STPG1: variants seen among roughly 807,000 people sequenced by gnomAD.
STPG1 encodes O(6)-methylguanine-induced apoptosis 2.
In STPG1, 33 loss-of-function variants were observed where a neutral mutation model predicts 40.1. The ratio of observed to expected loss-of-function variants is 0.82; its 90% CI spans 0.62 to 1.10. The LOEUF is 1.10. Among genes scored for constraint, STPG1 ranks in the 50% least tolerant of loss-of-function variants. STPG1 has a pLI of 0.00. For missense variants in STPG1, 396 were observed against 415.1 expected (o/e 0.95, Z 0.40); for synonymous variants, 150 against 155.0 (o/e 0.97, Z 0.24).
intron 1 of STPG1, among the ~76,000 whole-genome samples, chr1:24,409,181 G>A (rs973783445): frequency 6.6e-6 from 1 of 152,140 alleles, no homozygotes; most frequent in African/African-American, 2.4e-5. Flanking sequence ...GAAACATGGT[G>A]AAAGTCCGTC....
intron 4 of STPG1, among the ~76,000 whole-genome samples, chr1:24,381,015 G>C (rs1375417335): frequency 2.0e-5 from 3 of 152,112 alleles, no homozygotes; most frequent in Non-Finnish European, 2.9e-5. Context: ...GTGGGTTTTT[G>C]TGTTGAATCC....
intron 3 of STPG1, among the ~76,000 whole-genome samples, chr1:24,387,084 A>G (rs1642540521): frequency 6.6e-6 from 1 of 152,112 alleles, no homozygotes; most frequent in Non-Finnish European, 1.5e-5. Context: ...GGGAGTCACA[A>G]ACCTTCAGAG....
At chr1:24,407,957 C>T (rs1364547844) in intron 1 of STPG1, among the ~76,000 whole-genome samples, 1 of 152,158 alleles carries the variant, frequency 6.6e-6, no homozygotes, top group Non-Finnish European at 1.5e-5. Context: ...TATAATCTGT[C>T]ATTTTTAAGT....
chr1:24,414,717 G>A (rs1190881077), upstream of STPG1: 1 of 151,912 alleles, frequency 6.6e-6, no homozygotes, highest in African/African-American at 2.4e-5. Context: ...AAATTTTTTT[G>A]TAGAGATGGG....
chr1:24,358,514 G>T lies in STPG1; in HGVS notation c.*29C>A. 6.3e-7 allele frequency: 1 copy of T among 1,584,978 alleles called. No homozygotes were observed. Among genetic ancestry groups the T allele is most frequent in the Non-Finnish European group, 8.7e-7 (1 of 1,153,452 alleles). On this transcript the variant is annotated 3_prime_UTR_variant, in exon 9 of 9. Transcript: ENST00000337248. ...CGCTGGGCAGGGTGGGCTGGTGGCT[G>T]GAGTTCTCCTTGACCTTGTGTGACA...
intron 1 of STPG1, among the ~76,000 whole-genome samples, chr1:24,412,282 G>A (rs1396158111): frequency 6.6e-6 from 1 of 152,136 alleles, no homozygotes; most frequent in African/African-American, 2.4e-5. Context: ...TCTCCTTGCT[G>A]CATGGGGAGC....
chr1:24,364,466 T>C (rs1419540756), intron 7 of STPG1: 1 of 1,403,000 alleles, frequency 7.1e-7, no homozygotes, highest in Non-Finnish European at 9.3e-7. Context: ...ATTCTGGCTA[T>C]TACTTTGCAT....
chr1:24,367,110 C>T (rs1266212484), intron 7 of STPG1, among the ~76,000 whole-genome samples: 2 of 152,220 alleles, frequency 1.3e-5, no homozygotes, highest in Non-Finnish European at 2.9e-5. Context: ...GGCCATACAC[C>T]CCTGGGGCCA....
chr1:24,404,578 A>T (rs1643345633), intron 1 of STPG1, among the ~76,000 whole-genome samples: 1 of 152,200 alleles, frequency 6.6e-6, no homozygotes, highest in African/African-American at 2.4e-5. Flanking sequence ...TTTTAATGAC[A>T]AAGTCCATTA....
At chr1:24,381,482 G>A (rs1241770528) in intron 4 of STPG1, among the ~76,000 whole-genome samples, 2 of 152,156 alleles carry the variant, frequency 1.3e-5, no homozygotes, top group African/African-American at 4.8e-5. Flanking sequence ...CTTTTCTAGA[G>A]CCACTCCTGC....
At chr1:24,384,256 G>A (rs1033611180) in intron 3 of STPG1, among the ~76,000 whole-genome samples, 9 of 152,196 alleles carry the variant, frequency 5.9e-5, no homozygotes, top group African/African-American at 1.2e-4. Context: ...ATGCCCTGCC[G>A]CATTCCAAAA....
chr1:24,363,463 A>T (rs1305725514), intron 7 of STPG1, among the ~76,000 whole-genome samples: 1 of 152,242 alleles, frequency 6.6e-6, no homozygotes, highest in Non-Finnish European at 1.5e-5. Flanking sequence ...AACTTCAGGC[A>T]GTACAGGCTT....
intron 2 of STPG1, among the ~76,000 whole-genome samples, chr1:24,392,836 G>A (rs890596964): frequency 2.9e-5 from 4 of 139,482 alleles, no homozygotes; most frequent in African/African-American, 1.1e-4. Flanking sequence ...CCTTCAGAGA[G>A]GAAATACGCG....
intron 8 of STPG1, among the ~76,000 whole-genome samples, chr1:24,358,924 A>G (rs1002859624): frequency 1.3e-5 from 2 of 152,252 alleles, no homozygotes; most frequent in African/African-American, 4.8e-5. Flanking sequence ...TTCTTAAAGA[A>G]GCAAGGTGTT....
Position 24,358,058 on chromosome 1 carries a change from T to A in STPG1, c.*485A>T. 2.7e-6 allele frequency: 1 copy of A among 372,520 alleles called. No individual in the cohort carries two copies. Among genetic ancestry groups the A allele is most frequent in the Non-Finnish European group, 5.4e-6 (1 of 185,312 alleles). The allele number at this position is 372,520 out of a possible 1,614,324, so 23.1% of individuals were successfully genotyped here. On this transcript the variant is annotated 3_prime_UTR_variant, in exon 9 of 9. Transcript: ENST00000337248. Reference sequence around the variant, plus strand: ...TTTCGCCCAGTAGACATACCGTAAGTGAGTGAGGTCAGAAAGGGACAAATG... The same window carrying A: ...TTTCGCCCAGTAGACATACCGTAAGAGAGTGAGGTCAGAAAGGGACAAATG...
At chr1:24,373,286 A>G (rs142129489) in intron 6 of STPG1, among the ~76,000 whole-genome samples, 8 of 152,320 alleles carry the variant, frequency 5.3e-5, no homozygotes, top group African/African-American at 1.9e-4. Flanking sequence ...CACCTCTAGC[A>G]TAGGAGAAAA....
chr1:24,395,447 T>C (rs2148708186), intron 2 of STPG1, among the ~76,000 whole-genome samples: 1 of 150,660 alleles, frequency 6.6e-6, no homozygotes, highest in Non-Finnish European at 1.5e-5. Flanking sequence ...TTTTTTTTTT[T>C]TTTTAGACGG....
chr1:24,364,300 C>A lies in STPG1; in HGVS notation c.738-3259G>T, dbSNP rs951911760. 7 of 1,549,782 alleles carry A rather than the reference C, an allele frequency of 4.5e-6. No individual in the cohort carries two copies. In the African/African-American group the frequency reaches 8.2e-5, roughly 18 times the overall value. ...GGGTTTTGGAGATGGATTTTGGAGGCAGAGGGACCTGGATTCAAATCCCAG... is the reference window on the plus strand; with the variant it reads ...GGGTTTTGGAGATGGATTTTGGAGGAAGAGGGACCTGGATTCAAATCCCAG... On this transcript the variant is annotated intron_variant, in intron 7 of 8. Transcript: ENST00000337248.
At chr1:24,412,479 T>TA (rs1643733542) in intron 1 of STPG1, among the ~76,000 whole-genome samples, 1 of 150,340 alleles carries the variant, frequency 6.7e-6, no homozygotes, top group African/African-American at 2.5e-5. Context: ...CAACATTATA[T>TA]TGTATGTTTA....
Sources: allele counts gnomAD v4.1 joint callset (sites outside exome capture counted in the v4.1 genomes callset), GRCh38; gene constraint gnomAD v4.1.1; transcripts MANE v1.5; gene names NCBI Gene and HGNC (gene_info 2026-07-23, HGNC 2026-07-21).